The following BACH2 variants were observed in gnomAD, a reference collection of about 807,000 sequenced individuals.
BACH2 encodes the protein BACH transcriptional regulator 2.
Under a neutral mutation model 61.8 loss-of-function variants are expected in BACH2, and 5 were observed. The ratio of observed to expected loss-of-function variants is 0.08; its 90% CI spans 0.04 to 0.17. The LOEUF is 0.17. Among genes scored for constraint, BACH2 ranks in the 10% least tolerant of loss-of-function variants. The pLI is 1.00. For missense variants in BACH2, 824 were observed against 1,091.1 expected (o/e 0.76, Z 3.45); for synonymous variants, 446 against 440.1 (o/e 1.01, Z -0.17).
At chr6:90,085,179 G>A (rs1781881789) in intron 5 of BACH2, among the ~76,000 whole-genome samples, 1 of 152,136 alleles carries the variant, frequency 6.6e-6, no homozygotes, top group East Asian at 1.9e-4. Context: ...TGGTGATGGG[G>A]GATAAATCTT....
chr6:90,268,527 G>A (rs954791916), intron 2 of BACH2, among the ~76,000 whole-genome samples: 17 of 152,126 alleles, frequency 1.1e-4, no homozygotes, highest in Admixed American at 9.2e-4. Flanking sequence ...ACAGCAGCTT[G>A]CCAGAGTAAT....
At chr6:90,200,763 A>C (rs1396830442) in intron 4 of BACH2, among the ~76,000 whole-genome samples, 1 of 152,226 alleles carries the variant, frequency 6.6e-6, no homozygotes, top group East Asian at 1.9e-4. Flanking sequence ...CATTCTGGGC[A>C]ATAGCCTTCC....
Position 90,263,874 on chromosome 6 carries a change from T to G in BACH2, c.-353+7975A>C, listed in dbSNP as rs189373887. On this transcript the variant is annotated intron_variant, in intron 2 of 8. Transcript: ENST00000257749. ...GGCACCAGCAAAATCCCTTGAAAATTTGCTCCTAACCACAAGTCTAAGTAG... is the reference window on the plus strand; with the variant it reads ...GGCACCAGCAAAATCCCTTGAAAATGTGCTCCTAACCACAAGTCTAAGTAG... Among the ~76,000 whole-genome samples, 16 of 152,254 alleles carry G rather than the reference T, an allele frequency of 1.1e-4. 1 individual carries two copies. In the East Asian group the frequency reaches 3.1e-3, roughly 29 times the overall value.
At chr6:89,942,696 C>T (rs1773504996) in intron 7 of BACH2, among the ~76,000 whole-genome samples, 1 of 152,182 alleles carries the variant, frequency 6.6e-6, no homozygotes, top group Non-Finnish European at 1.5e-5. Context: ...GGGCGCCACT[C>T]TTTAGCCAGG....
At chr6:90,141,425 C>T (rs1313805855) in intron 4 of BACH2, among the ~76,000 whole-genome samples, 2 of 151,938 alleles carry the variant, frequency 1.3e-5, no homozygotes, top group Non-Finnish European at 2.9e-5. Context: ...AAGTGATCCG[C>T]CTGCCTCGGC....
At chr6:90,126,017 C>CA (rs1783834737) in intron 4 of BACH2, among the ~76,000 whole-genome samples, 2 of 152,154 alleles carry the variant, frequency 1.3e-5, no homozygotes, top group Admixed American at 1.3e-4. Context: ...TGCAGGGAAA[C>CA]AGAGGAAAGC....
At chr6:90,092,474 G>C (rs1002279680) in intron 4 of BACH2, among the ~76,000 whole-genome samples, 2 of 151,804 alleles carry the variant, frequency 1.3e-5, no homozygotes. Context: ...AAGCCACAGA[G>C]ATACAGACTT....
Position 89,932,278 on chromosome 6 carries a change from G to T in BACH2, c.*130C>A. 1.6e-6 allele frequency: 2 copies of T among 1,245,434 alleles called. No individual in the cohort carries two copies. Among genetic ancestry groups the T allele is most frequent in the Non-Finnish European group, 2.2e-6 (2 of 893,418 alleles). 77.1% of individuals were successfully genotyped at this position (1,245,434 alleles called of 1,614,324 possible). On this transcript the variant is annotated 3_prime_UTR_variant, in exon 9 of 9. Coordinates refer to ENST00000257749, the MANE Select transcript of BACH2 (RefSeq NM_021813.4). ...GAGGATACTTCGGAACAGTATTGCT[G>T]CTAAGACCGCTGTAGTGTGCACCAA...
chr6:90,258,634 A>C (rs1028197203), intron 2 of BACH2, among the ~76,000 whole-genome samples: 5 of 152,162 alleles, frequency 3.3e-5, no homozygotes, highest in Non-Finnish European at 7.4e-5. Context: ...GATTGCACCG[A>C]ATCTGTATAT....
intron 2 of BACH2, among the ~76,000 whole-genome samples, chr6:90,263,644 C>A (rs1276506935): frequency 6.6e-6 from 1 of 152,126 alleles, no homozygotes; most frequent in East Asian, 1.9e-4. Context: ...ACTCCTGAAG[C>A]CTAAATCTGC....
intron 5 of BACH2, among the ~76,000 whole-genome samples, chr6:90,050,556 G>A (rs1779994481): frequency 6.6e-6 from 1 of 151,960 alleles, no homozygotes; most frequent in Admixed American, 6.6e-5. Context: ...GGACATTAAA[G>A]GTATTGGGGA....
chr6:90,294,100 G>A (rs1277457333), intron 1 of BACH2, among the ~76,000 whole-genome samples: 1 of 152,086 alleles, frequency 6.6e-6, no homozygotes, highest in Non-Finnish European at 1.5e-5. Context: ...TAACTAACAG[G>A]AGTGTTCACA....
At chr6:90,223,991 C>G (rs964631362) in intron 3 of BACH2, among the ~76,000 whole-genome samples, 1 of 152,162 alleles carries the variant, frequency 6.6e-6, no homozygotes, top group South Asian at 2.1e-4. Context: ...ATGAACATAA[C>G]AAGTTCAAAT....
intron 5 of BACH2, among the ~76,000 whole-genome samples, chr6:90,067,533 T>C (rs73497184): frequency 0.031 from 4,691 of 152,178 alleles, 235 homozygotes; most frequent in African/African-American, 0.11. Context: ...CTTCCAGGGA[T>C]TGGCCACAGC....
chr6:90,059,945 A>G, intron 5 of BACH2, among the ~76,000 whole-genome samples: 2 of 133,896 alleles, frequency 1.5e-5, no homozygotes, highest in African/African-American at 5.6e-5. Context: ...TGGACACAGG[A>G]AGGGGAACAA....
In BACH2 at chr6:90,032,609, C is replaced by T. The variant is rs553560450; in HGVS notation, c.-12-23753G>A. Among the ~76,000 whole-genome samples, 583 of 151,746 alleles carry T rather than the reference C, an allele frequency of 3.8e-3. 5 individuals are homozygous for T. Among genetic ancestry groups the T allele is most frequent in the African/African-American group, 0.014 (561 of 41,240 alleles). On this transcript the variant is annotated intron_variant, in intron 5 of 8. Transcript: ENST00000257749. ...CAGCCAAAAGACACATGAAAAAATG[C>T]TCATCATCACTGGCCATCAGAGAAA... is the stretch of plus-strand genomic sequence containing the variant.
intron 4 of BACH2, among the ~76,000 whole-genome samples, chr6:90,159,646 A>G (rs925409276): frequency 2.6e-5 from 4 of 151,556 alleles, no homozygotes; most frequent in Non-Finnish European, 5.9e-5. Context: ...GACATAACCT[A>G]TTTTCTCTAG....
intron 4 of BACH2, among the ~76,000 whole-genome samples, chr6:90,132,950 C>T (rs1330816878): frequency 6.6e-6 from 1 of 152,206 alleles, no homozygotes; most frequent in Non-Finnish European, 1.5e-5. Context: ...ACCACATCTC[C>T]TCCAGGAAGA....
At chr6:89,946,099 G>T (rs1479763680) in intron 7 of BACH2, among the ~76,000 whole-genome samples, 1 of 152,156 alleles carries the variant, frequency 6.6e-6, no homozygotes, top group African/African-American at 2.4e-5. Flanking sequence ...GAATATCTAA[G>T]CAACATTTAT....
Sources: allele counts gnomAD v4.1 joint callset (sites outside exome capture counted in the v4.1 genomes callset), GRCh38; gene constraint gnomAD v4.1.1; transcripts MANE v1.5; gene names NCBI Gene and HGNC (gene_info 2026-07-23, HGNC 2026-07-21).